MYH8: variants seen among roughly 807,000 people sequenced by gnomAD.
MYH8 encodes the protein myosin-8.
In MYH8, 168 loss-of-function variants were observed where a neutral mutation model predicts 233.2. That is an observed-to-expected ratio of 0.72 (90% CI 0.64 to 0.82). MYH8 has a LOEUF of 0.82. Ranked by LOEUF, MYH8 falls within the 40% of genes least tolerant of loss-of-function variation. The probability of loss-of-function intolerance (pLI) is 0.00; values close to 1 mark genes in which losing one functional copy is unlikely to be tolerated. For synonymous variants in MYH8, 785 were observed against 850.6 expected (o/e 0.92, Z 1.34); for missense variants, 1,995 against 2,327.8 (o/e 0.86, Z 2.94).
At chr17:10,406,644 A>G in intron 19 of MYH8, 46 bp downstream of exon 19, 1 of 1,527,938 alleles carries the variant, frequency 6.5e-7, no homozygotes, top group Non-Finnish European at 9.1e-7. Context: ...ATTTTTTAAT[A>G]CATACTAATT....
chr17:10,416,110 C>T (rs1171587333), intron 5 of MYH8, among the ~76,000 whole-genome samples: 2 of 152,180 alleles, frequency 1.3e-5, no homozygotes, highest in Admixed American at 1.3e-4. Flanking sequence ...AACTCCCCAT[C>T]TCCTACTCCT....
At chr17:10,404,750 C>CAT (rs1057497639) in intron 21 of MYH8, among the ~76,000 whole-genome samples, 165 bp from the exon 22 acceptor site, 47 of 143,154 alleles carry the variant, frequency 3.3e-4, no homozygotes, top group African/African-American at 1.2e-3. Context: ...CACACACACA[C>CAT]ATGTACACAC....
intron 12 of MYH8, among the ~76,000 whole-genome samples, chr17:10,413,599 C>T (rs2072263415): frequency 6.6e-6 from 1 of 152,122 alleles, no homozygotes; most frequent in Non-Finnish European, 1.5e-5. Flanking sequence ...CTACAGTTAT[C>T]TACATATACC....
In MYH8 at chr17:10,396,440, G is replaced by T. The variant is rs34564342; in HGVS notation, c.4543C>A (p.Leu1515Ile). 1.2e-6 allele frequency: 2 copies of T among 1,613,966 alleles called. No individual in the cohort carries two copies. Among genetic ancestry groups the T allele is most frequent in the East Asian group, 4.5e-5 (2 of 44,892 alleles). ...CCTCCCTCTGCAATCTGCTCAGTGA[G>T]GTCAGAAATCTCCTCTGTGGTTGAA... ...NKNLQQEISDLTEQIAEGGKQ... is the reference protein window; with the variant it reads ...NKNLQQEISDITEQIAEGGKQ... Residue 1515 changes from leucine to isoleucine, a missense_variant, in exon 33 of 40, where the codon CTC (leucine) becomes ATC (isoleucine). Physicochemically the swap from Leu to Ile is conservative, Grantham distance 5 (BLOSUM62 2). Around this residue, in one of 3 missense-constraint regions of MYH8, gnomAD observed 1,498 missense variants for 1,680.9 expected, o/e 0.89. Coordinates refer to ENST00000403437, the MANE Select transcript of MYH8 (RefSeq NM_002472.3). This position sits in a 1 kb window ranked among gnomAD's most constrained non-coding sequence, Gnocchi z 4.2.
Position 10,415,664 on chromosome 17 carries a change from G to GA in MYH8, c.539+16dup, listed in dbSNP as rs750976716. 95 of 1,613,294 alleles carry GA rather than the reference G, an allele frequency of 5.9e-5. No homozygotes were observed. Among genetic ancestry groups the GA allele is most frequent in the Non-Finnish European group, 7.1e-5 (84 of 1,179,600 alleles). On this transcript the variant is annotated intron_variant, in intron 6 of 39. Transcript: ENST00000403437. The surrounding 1 kb of genome is among the most constrained non-coding windows in gnomAD (Gnocchi z 4.1). ...AAGACAATCCTTGCAAATCAGAGAA[G>GA]AAAAAAAATCACATACGTGATCAGG... is the stretch of plus-strand genomic sequence containing the variant.
At position 10,409,541 on chromosome 17, in the gene MYH8, C is replaced by T; in HGVS notation, c.1635G>A (p.Lys545=). 1 of 1,614,188 alleles carries T rather than the reference C, an allele frequency of 6.2e-7. No homozygotes were observed. Among genetic ancestry groups the T allele is most frequent in the Non-Finnish European group, 8.5e-7 (1 of 1,180,042 alleles). Residue 545 remains lysine, a synonymous_variant, in exon 16 of 40, where the codon AAG becomes AAA. Coordinates refer to ENST00000403437, the MANE Select transcript of MYH8 (RefSeq NM_002472.3). ...SILEEECMFP[K]ATDTSFKNKL... ...TGTTCTTGAAGGAGGTGTCCGTTGC[C>T]TTAGGGAACATGCACTCCTCTTCCA... is the stretch of plus-strand genomic sequence containing the variant.
rs908787635 is a variant in MYH8, at chr17:10,398,500, C to A, written c.4122G>T (p.Trp1374Cys). The A allele has an allele frequency of 3.0e-5, 48 of 1,613,946 alleles. No individual in the cohort carries two copies. The East Asian group carries it at 1.1e-3, about 36-fold the overall frequency. The change falls in exon 30 of 40, where the codon TGG (tryptophan) becomes TGT (cysteine). Residue 1374 changes from tryptophan to cysteine, a missense_variant. Trp to Cys is a radical substitution (Grantham distance 215). Transcript: ENST00000403437. ...TGGCATCCGTCTCGTATTTGGTTCT[C>A]CACTGGGCAACCTCACTGTTGGCCT... is the stretch of plus-strand genomic sequence containing the variant. Reference protein sequence around the residue: ...LSKANSEVAQWRTKYETDAIQ... With the variant: ...LSKANSEVAQCRTKYETDAIQ...
In MYH8 at chr17:10,391,863, AG is replaced by A; in HGVS notation, c.5664+18del. On this transcript the variant is annotated intron_variant, in intron 39 of 39. Transcript: ENST00000403437. ...CAAAAGAAATTTCCTTCTTTCCTCA[AG>A]GGCTTAAAGATACTTACAGCCTCCT... 6.3e-7 allele frequency: 1 copy of A among 1,597,870 alleles called. No individual in the cohort carries two copies. The highest frequency in any genetic ancestry group is 8.6e-7 in the Non-Finnish European group (1 of 1,165,180).
At chr17:10,418,177 C>T (rs1235039023) in intron 5 of MYH8, among the ~76,000 whole-genome samples, 1 of 152,160 alleles carries the variant, frequency 6.6e-6, no homozygotes, top group Non-Finnish European at 1.5e-5. Context: ...ATGTTTTACC[C>T]TTAAAGGCTG....
chr17:10,393,300 A>T (rs1555555065), intron 35 of MYH8, 90 bp from the exon 36 acceptor site: 1 of 1,487,584 alleles, frequency 6.7e-7, no homozygotes, highest in Non-Finnish European at 9.4e-7. Context: ...CGTGCAGGGG[A>T]TCTGCTGGCA....
chr17:10,408,139 C>T (rs1242125887), intron 17 of MYH8, among the ~76,000 whole-genome samples: 3 of 151,800 alleles, frequency 2.0e-5, no homozygotes, highest in Admixed American at 6.6e-5. Context: ...TGGGGTTTCA[C>T]CATATTGGCC....
In MYH8 at chr17:10,393,315, T is replaced by C; in HGVS notation, c.5167-105A>G. On this transcript the variant is annotated intron_variant, in intron 35 of 39. Transcript: ENST00000403437. ...CGTGCAGGGGATCTGCTGGCAACAT[T>C]TCACTAAACTTTAATTATTTGTTCA... 2.1e-6 allele frequency: 3 copies of C among 1,396,500 alleles called. No individual in the cohort carries two copies. The South Asian group carries it at 3.5e-5, about 17-fold the overall frequency. 86.5% of individuals were successfully genotyped at this position (1,396,500 alleles called of 1,614,324 possible).
At chr17:10,406,466 A>C (rs2072194765) in intron 19 of MYH8, 69 bp from the exon 20 acceptor site, 1 of 1,597,362 alleles carries the variant, frequency 6.3e-7, no homozygotes, top group Non-Finnish European at 8.6e-7. Flanking sequence ...GACACCAAAA[A>C]GAAATATCAA....
Position 10,415,785 on chromosome 17 carries a change from A to C in MYH8, c.512-77T>G. ...AGTATTGAATCAGTTCAGATCAAAC[A>C]CAGCTTGTTCTTTTTAACTTTTTGA... On this transcript the variant is annotated intron_variant, in intron 5 of 39. Transcript: ENST00000403437. This position sits in a 1 kb window ranked among gnomAD's most constrained non-coding sequence, Gnocchi z 4.1. 6.7e-7 allele frequency: 1 copy of C among 1,487,268 alleles called. No homozygotes were observed. The highest frequency in any genetic ancestry group is 9.2e-7 in the Non-Finnish European group (1 of 1,084,424). The allele number at this position is 1,487,268 out of a possible 1,614,324, so 92.1% of individuals were successfully genotyped here.
chr17:10,390,871 T>C (rs975397049), intron 39 of MYH8, among the ~76,000 whole-genome samples: 1 of 152,192 alleles, frequency 6.6e-6, no homozygotes, highest in Non-Finnish European at 1.5e-5. Context: ...GGAAGAGACC[T>C]ATGTACACTT....
chr17:10,393,250 T>G (rs773155072), intron 35 of MYH8, 40 bp from the exon 36 acceptor site: 1 of 1,613,862 alleles, frequency 6.2e-7, no homozygotes, highest in Admixed American at 1.7e-5. Flanking sequence ...AATTTGCAGT[T>G]TGCCCTCTTG....
rs778961328 is a variant in MYH8 at position 10,395,249 on chromosome 17, T to A, written c.4846A>T (p.Arg1616Ter). Residue 1616 changes from arginine (R) to a stop codon, truncating the protein, a stop_gained, in exon 34 of 40, where the codon AGA becomes TGA. Transcript: ENST00000403437. LOFTEE classifies it high-confidence loss of function. ...TCTCCTTCCATTTTCTTCTTGACTC[T>A]CAGAGCATCATTTCTGCTTCTAATC... ...AEIRSRNDALRVKKKMEGDLN... is the reference protein window; with the variant it reads ...AEIRSRNDAL The A allele has an allele frequency of 7.4e-6, 12 of 1,614,094 alleles. No homozygotes were observed. The highest frequency in any genetic ancestry group is 3.3e-5 in the Admixed American group (2 of 60,006).
Position 10,399,525 on chromosome 17 carries a change from C to T in MYH8, c.3862+18G>A, listed in dbSNP as rs1331386801. 6.2e-7 allele frequency: 1 copy of T among 1,612,714 alleles called. No individual in the cohort carries two copies. Among genetic ancestry groups the T allele is most frequent in the Admixed American group, 1.7e-5 (1 of 60,016 alleles). ...TTATTTAGTCCATGGTGTTGGGACCCAGAGAAGATGTCTTTACCCGCTTCT... is the reference window on the plus strand; with the variant it reads ...TTATTTAGTCCATGGTGTTGGGACCTAGAGAAGATGTCTTTACCCGCTTCT... On this transcript the variant is annotated intron_variant, in intron 28 of 39. Transcript: ENST00000403437.
chr17:10,418,795 A>G lies in MYH8; in HGVS notation c.361T>C (p.Ser121Pro). ...TTGACGGTGACACAGAAGAGGCCTG[A>G]GTAGGTCTGGGAAGATCAGAACATT... Reference protein sequence around the residue: ...RYAAWMIYTYSGLFCVTVNPY... With the variant: ...RYAAWMIYTYPGLFCVTVNPY... Residue 121 changes from serine to proline, a missense_variant, in exon 5 of 40, where the codon TCA becomes CCA. Physicochemically the swap from Ser to Pro is moderately conservative, Grantham distance 74. This residue lies in a region of MYH8 where 479 missense variants were observed against 600.9 expected (regional missense o/e 0.80). Coordinates refer to ENST00000403437, the MANE Select transcript of MYH8 (RefSeq NM_002472.3). 1 of 1,613,804 alleles carries G rather than the reference A, an allele frequency of 6.2e-7. No individual in the cohort carries two copies. The highest frequency in any genetic ancestry group is 8.5e-7 in the Non-Finnish European group (1 of 1,179,764).
Sources: gnomAD v4.1 joint callset for allele counts (sites outside exome capture counted in the v4.1 genomes callset) on GRCh38, gnomAD v4.1.1 for gene constraint, gnomAD v4.1.1 regional missense constraint, Gnocchi (gnomAD v3.1) non-coding constraint, MANE v1.5 for transcripts, NCBI Gene and HGNC (gene_info 2026-07-23, HGNC 2026-07-21) for gene names.